FOSB: variants seen among roughly 807,000 people sequenced by gnomAD.
The protein encoded by FOSB is protein FosB.
Under a neutral mutation model 31.1 loss-of-function variants are expected in FOSB, and 8 were observed. That is an observed-to-expected ratio of 0.26 (90% CI 0.15 to 0.46). FOSB has a LOEUF of 0.46. FOSB is among the 20% of genes least tolerant of loss of function. FOSB has a pLI of 0.99. For missense variants in FOSB, 376 were observed against 460.6 expected, an observed-to-expected ratio of 0.82 and a Z score of 1.68; for synonymous variants, 214 against 206.1, an observed-to-expected ratio of 1.04 and a Z score of -0.33.
At chr19:45,470,604 T>C (rs1219620788) in intron 1 of FOSB, 25 bp from the exon 2 acceptor site, 3 of 1,577,736 alleles carry the variant, frequency 1.9e-6, no homozygotes, top group Admixed American at 3.5e-5. Flanking sequence ...TGTCTACGCC[T>C]GTGTGTGTAT....
At position 45,472,825 on chromosome 19, in the gene FOSB, C is replaced by G. The variant is rs199545211; in HGVS notation, c.830C>G (p.Thr277Arg). The change falls in exon 4 of 4, where the codon ACG becomes AGG. Residue 277 changes from threonine to arginine, a missense_variant. Around this residue, in one of 3 missense-constraint regions of FOSB, gnomAD observed 148 missense variants for 170.0 expected, o/e 0.87. Coordinates refer to ENST00000353609, the MANE Select transcript of FOSB (RefSeq NM_006732.3). The surrounding 1 kb of genome is among the most constrained non-coding windows in gnomAD (Gnocchi z 5.4). ...QTSQDAPPNL[T>R]ASLFTHSEVQ... ...AGCCAAGACGCACCCCCCAACCTGACGGCTTCTCTCTTTACACACAGTGAA... is the reference window on the plus strand; with the variant it reads ...AGCCAAGACGCACCCCCCAACCTGAGGGCTTCTCTCTTTACACACAGTGAA... 6.2e-7 allele frequency: 1 copy of G among 1,614,226 alleles called. No individual in the cohort carries two copies.
At chr19:45,470,129 C>T (rs1045732783) in intron 1 of FOSB, 2 of 161,774 alleles carry the variant, frequency 1.2e-5, no homozygotes, top group Non-Finnish European at 2.7e-5. Context: ...ACCCTTTTGA[C>T]TGGGACCCCC....
chr19:45,472,548 C>T lies in FOSB; in HGVS notation c.556-3C>T. On this transcript the variant is annotated splice_region_variant and splice_polypyrimidine_tract_variant and intron_variant, in intron 3 of 3. Transcript: ENST00000353609. The surrounding 1 kb of genome is among the most constrained non-coding windows in gnomAD (Gnocchi z 5.4). ...TTCTGTGACCTGGCCTCCCTGGCCT[C>T]AGGAGACAGATCAGTTGGAGGAAGA... 6.6e-7 allele frequency: 1 copy of T among 1,512,566 alleles called. No individual in the cohort carries two copies. Among genetic ancestry groups the T allele is most frequent in the Non-Finnish European group, 8.8e-7 (1 of 1,132,268 alleles). The allele number at this position is 1,512,566 out of a possible 1,614,324, so 93.7% of individuals were successfully genotyped here.
chr19:45,473,962 T>C lies in FOSB; in HGVS notation c.*950T>C, dbSNP rs992848194. On this transcript the variant is annotated 3_prime_UTR_variant, in exon 4 of 4. Coordinates refer to ENST00000353609, the MANE Select transcript of FOSB (RefSeq NM_006732.3). ...GGGCAGCACACCTCTGGGGGGATAA[T>C]GTCCCCACTCCCGAAAGCCTTTCCT... 1 of 152,780 alleles carries C rather than the reference T, an allele frequency of 6.5e-6. No homozygotes were observed. Among genetic ancestry groups the C allele is most frequent in the Admixed American group, 6.5e-5 (1 of 15,282 alleles). The allele number at this position is 152,780 out of a possible 1,614,324, so 9.5% of individuals were successfully genotyped here.
chr19:45,472,579 C>T lies in FOSB; in HGVS notation c.584C>T (p.Ala195Val). ...ACAGATCAGTTGGAGGAAGAAAAAG[C>T]AGAGCTGGAGTCGGAGATCGCCGAG... ...AETDQLEEEK[A>V]ELESEIAELQ... The change falls in exon 4 of 4, where the codon GCA becomes GTA. Residue 195 changes from alanine (A) to valine (V), a missense_variant. Physicochemically the swap from Ala to Val is moderately conservative, Grantham distance 64 (BLOSUM62 0). Coordinates refer to ENST00000353609, the MANE Select transcript of FOSB (RefSeq NM_006732.3). This position sits in a 1 kb window ranked among gnomAD's most constrained non-coding sequence, Gnocchi z 5.4. The T allele has an allele frequency of 6.6e-7, 1 of 1,523,848 alleles. No individual in the cohort carries two copies. The highest frequency in any genetic ancestry group is 2.3e-5 in the East Asian group (1 of 44,006). The allele number at this position is 1,523,848 out of a possible 1,614,324, so 94.4% of individuals were successfully genotyped here. A position where few individuals can be genotyped will look rare whatever the true frequency, so the allele number is the denominator to read the frequency against.
At position 45,468,230 on chromosome 19, in the gene FOSB, T is replaced by C. The variant is rs1326455479; in HGVS notation, c.-357T>C. 2 of 190,152 alleles carry C rather than the reference T, an allele frequency of 1.1e-5. No individual in the cohort carries two copies. The highest frequency in any genetic ancestry group is 1.1e-5 in the Non-Finnish European group (1 of 93,494). 11.8% of individuals were successfully genotyped at this position (190,152 alleles called of 1,614,324 possible). A position where few individuals can be genotyped will look rare whatever the true frequency, so the allele number is the denominator to read the frequency against. On this transcript the variant is annotated 5_prime_UTR_variant, in exon 1 of 4. Coordinates refer to ENST00000353609, the MANE Select transcript of FOSB (RefSeq NM_006732.3). This position sits in a 1 kb window ranked among gnomAD's most constrained non-coding sequence, Gnocchi z 4.8. ...CCCCCCGTGGGACCCGCCGGACGCG[T>C]GGAGGAGACCGTAGCTGAAGCTGAT...
At chr19:45,470,474 T>G (rs1599887766) in intron 1 of FOSB, 155 bp from the exon 2 acceptor site, 12 of 687,386 alleles carry the variant, frequency 1.7e-5, no homozygotes, top group East Asian at 2.6e-5. Context: ...AGTGGAAGGG[T>G]GGGTGTTGTG....
Position 45,468,741 on chromosome 19 carries a change from T to C in FOSB, c.126+29T>C. On this transcript the variant is annotated intron_variant, in intron 1 of 3. Coordinates refer to ENST00000353609, the MANE Select transcript of FOSB (RefSeq NM_006732.3). This position sits in a 1 kb window ranked among gnomAD's most constrained non-coding sequence, Gnocchi z 4.8. ...AGTTTTTGATAGTAGGGGTGCTGCT[T>C]TGTAGGTTTTATTTTTTAAGTCAAG... The C allele has an allele frequency of 6.4e-7, 1 of 1,566,344 alleles. No homozygotes were observed. The highest frequency in any genetic ancestry group is 8.6e-7 in the Non-Finnish European group (1 of 1,160,590).
At position 45,472,763 on chromosome 19, in the gene FOSB, G is replaced by A. The variant is rs1555795467; in HGVS notation, c.768G>A (p.Leu256=). 1 of 1,613,762 alleles carries A rather than the reference G, an allele frequency of 6.2e-7. No individual in the cohort carries two copies. Among genetic ancestry groups the A allele is most frequent in the Non-Finnish European group, 8.5e-7 (1 of 1,179,898 alleles). The change falls in exon 4 of 4, where the codon CTG becomes CTA. Residue 256 remains leucine, a synonymous_variant. Coordinates refer to ENST00000353609, the MANE Select transcript of FOSB (RefSeq NM_006732.3). This position sits in a 1 kb window ranked among gnomAD's most constrained non-coding sequence, Gnocchi z 5.4. ...PAKEDGFSWL[L]PPPPPPPLPF... ...AGGAAGATGGCTTCAGCTGGCTGCT[G>A]CCGCCCCCGCCACCACCGCCCCTGC...
chr19:45,469,006 T>G (rs547906117), intron 1 of FOSB, among the ~76,000 whole-genome samples: 1 of 152,290 alleles, frequency 6.6e-6, no homozygotes, highest in South Asian at 2.1e-4. Flanking sequence ...GGCTGAGAAC[T>G]TTGAGCCGGC....
Position 45,474,369 on chromosome 19 carries a change from CCCA to C in FOSB, c.*1360_*1362del, listed in dbSNP as rs1369439228. ...CATCCCTGACCATGGTTTTGGCTCT[CCCA>C]CCCCGCCGTTCCCTGCGCTTCATCT... is the stretch of plus-strand genomic sequence containing the variant. On this transcript the variant is annotated 3_prime_UTR_variant, in exon 4 of 4. Coordinates refer to ENST00000353609, the MANE Select transcript of FOSB (RefSeq NM_006732.3). The C allele has an allele frequency of 6.6e-6, 1 of 152,472 alleles. No individual in the cohort carries two copies. The highest frequency in any genetic ancestry group is 2.4e-5 in the African/African-American group (1 of 41,374). 9.4% of individuals were successfully genotyped at this position (152,472 alleles called of 1,614,324 possible).
intron 1 of FOSB, among the ~76,000 whole-genome samples, chr19:45,469,218 A>G (rs141672321): frequency 8.3e-4 from 126 of 152,142 alleles, no homozygotes; most frequent in Non-Finnish European, 1.6e-3. Context: ...CTGCGCGGAG[A>G]CGTAACGGGG....
Position 45,470,968 on chromosome 19 carries a change from A to G in FOSB, c.447+19A>G. Reference sequence around the variant, plus strand: ...GGAGACGGTGAGTAAGGGACATCAGAACTTGGCCTGGGTAGGGGGAAGCAA... The same window carrying G: ...GGAGACGGTGAGTAAGGGACATCAGGACTTGGCCTGGGTAGGGGGAAGCAA... On this transcript the variant is annotated intron_variant, in intron 2 of 3. Transcript: ENST00000353609. 1.2e-6 allele frequency: 2 copies of G among 1,608,202 alleles called. No homozygotes were observed. Among genetic ancestry groups the G allele is most frequent in the Admixed American group, 3.3e-5 (2 of 59,968 alleles).
rs1335955375 is a variant in FOSB, at chr19:45,473,364, T to A, written c.*352T>A. The A allele has an allele frequency of 5.6e-6, 1 of 179,216 alleles. No individual in the cohort carries two copies. Among genetic ancestry groups the A allele is most frequent in the Non-Finnish European group, 1.1e-5 (1 of 92,614 alleles). The allele number at this position is 179,216 out of a possible 1,614,324, so 11.1% of individuals were successfully genotyped here. Reference sequence around the variant, plus strand: ...GCGGGTGACGCCCACCTTCGGGCAGTCCTGTGTGAGGATTAAGGGACGGGG... The same window carrying A: ...GCGGGTGACGCCCACCTTCGGGCAGACCTGTGTGAGGATTAAGGGACGGGG... On this transcript the variant is annotated 3_prime_UTR_variant, in exon 4 of 4. Coordinates refer to ENST00000353609, the MANE Select transcript of FOSB (RefSeq NM_006732.3).
In FOSB at chr19:45,472,815, C is replaced by T. The variant is rs767156252; in HGVS notation, c.820C>T (p.Pro274Ser). The T allele has an allele frequency of 2.1e-4, 336 of 1,614,090 alleles. No individual in the cohort carries two copies. Among genetic ancestry groups the T allele is most frequent in the Admixed American group, 2.8e-4 (17 of 60,004 alleles). Residue 274 changes from proline (P) to serine (S), a missense_variant, in exon 4 of 4, where the codon CCC (proline) becomes TCC (serine). By Grantham distance (74) the Pro-to-Ser change is moderately conservative (BLOSUM62 -1). Coordinates refer to ENST00000353609, the MANE Select transcript of FOSB (RefSeq NM_006732.3). The surrounding 1 kb of genome is among the most constrained non-coding windows in gnomAD (Gnocchi z 5.4). ...LPFQTSQDAP[P>S]NLTASLFTHS... ...CTTCCAGACCAGCCAAGACGCACCCCCCAACCTGACGGCTTCTCTCTTTAC... is the reference window on the plus strand; with the variant it reads ...CTTCCAGACCAGCCAAGACGCACCCTCCAACCTGACGGCTTCTCTCTTTAC...
In FOSB at chr19:45,470,787, C is replaced by G; in HGVS notation, c.285C>G (p.Asp95Glu). Residue 95 changes from aspartate to glutamate, a missense_variant, in exon 2 of 4, where the codon GAC becomes GAG. Physicochemically the swap from Asp to Glu is conservative, Grantham distance 45. Coordinates refer to ENST00000353609, the MANE Select transcript of FOSB (RefSeq NM_006732.3). ...QPLASQPPVV[D>E]PYDMPGTSYS... Reference sequence around the variant, plus strand: ...TGGCCTCCCAGCCCCCGGTCGTCGACCCCTACGACATGCCGGGAACCAGCT... The same window carrying G: ...TGGCCTCCCAGCCCCCGGTCGTCGAGCCCTACGACATGCCGGGAACCAGCT... 6.2e-7 allele frequency: 1 copy of G among 1,614,030 alleles called. No homozygotes were observed. The highest frequency in any genetic ancestry group is 8.5e-7 in the Non-Finnish European group (1 of 1,180,028).
chr19:45,468,326 C>A lies in FOSB; in HGVS notation c.-261C>A. The A allele has an allele frequency of 2.5e-6, 1 of 392,548 alleles. No homozygotes were observed. Among genetic ancestry groups the A allele is most frequent in the Non-Finnish European group, 4.6e-6 (1 of 216,618 alleles). The allele number at this position is 392,548 out of a possible 1,614,324, so 24.3% of individuals were successfully genotyped here. ...TCCCTCGCCCCTGGGTCCTACGGAG[C>A]CTGCACTTTCAAGAGGTACAGCGGC... On this transcript the variant is annotated 5_prime_UTR_variant, in exon 1 of 4. Coordinates refer to ENST00000353609, the MANE Select transcript of FOSB (RefSeq NM_006732.3). This position sits in a 1 kb window ranked among gnomAD's most constrained non-coding sequence, Gnocchi z 4.8.
rs1397027335 is a variant in FOSB, at chr19:45,468,182, T to C, written c.-405T>C. 1 of 161,930 alleles carries C rather than the reference T, an allele frequency of 6.2e-6. No homozygotes were observed. Among genetic ancestry groups the C allele is most frequent in the African/African-American group, 2.4e-5 (1 of 41,806 alleles). 10.0% of individuals were successfully genotyped at this position (161,930 alleles called of 1,614,324 possible). ...CTTTTGGAGGACCGACTTACTTTTT[T>C]TGGTCTTCTTTATTACTCCCCTCCC... On this transcript the variant is annotated 5_prime_UTR_variant, in exon 1 of 4. Coordinates refer to ENST00000353609, the MANE Select transcript of FOSB (RefSeq NM_006732.3). This position sits in a 1 kb window ranked among gnomAD's most constrained non-coding sequence, Gnocchi z 4.8.
chr19:45,468,001 T>C lies in FOSB; in HGVS notation c.-586T>C, dbSNP rs1967479884. On this transcript the variant is annotated 5_prime_UTR_variant, in exon 1 of 4. Transcript: ENST00000353609. The surrounding 1 kb of genome is among the most constrained non-coding windows in gnomAD (Gnocchi z 4.8). ...GGCTGGCGGGTCTGTGCTTCATTCA[T>C]AAGACTCAGAGCTACGGCCACGGCA... 1 of 152,254 alleles carries C rather than the reference T, an allele frequency of 6.6e-6. No individual in the cohort carries two copies. The highest frequency in any genetic ancestry group is 6.5e-5 in the Admixed American group (1 of 15,270). The allele number at this position is 152,254 out of a possible 1,614,324, so 9.4% of individuals were successfully genotyped here.
Sources: gnomAD v4.1 joint callset for allele counts (sites outside exome capture counted in the v4.1 genomes callset) on GRCh38, gnomAD v4.1.1 for gene constraint, gnomAD v4.1.1 regional missense constraint, Gnocchi (gnomAD v3.1) non-coding constraint, MANE v1.5 for transcripts, NCBI Gene and HGNC (gene_info 2026-07-23, HGNC 2026-07-21) for gene names.